NREP: variants seen among roughly 807,000 people sequenced by gnomAD.
NREP encodes neuronal regeneration related protein.
A neutral mutation model predicts 8.6 loss-of-function variants in NREP; 5 were observed. That is an observed-to-expected ratio of 0.58 (90% confidence interval 0.30 to 1.22). The LOEUF is 1.22. Ranked by LOEUF, NREP falls within the 50% of genes most tolerant of loss-of-function variation. NREP has a pLI of 0.07. For missense variants in NREP, 86 were observed against 82.5 expected (o/e 1.04, Z -0.17); for synonymous variants, 27 against 28.0 (o/e 0.96, Z 0.11).
At chr5:111,734,795 C>A in intron 3 of NREP, 1 of 687,178 alleles carries the variant, frequency 1.5e-6, no homozygotes, top group Admixed American at 2.0e-5. Flanking sequence ...CGCTTGAAGT[C>A]AAACAAGTAT....
At position 111,965,445 on chromosome 5, in the gene NREP, G is replaced by A. The variant is rs547402551; in HGVS notation, c.135+9829C>T. Among the ~76,000 whole-genome samples, 409 of 152,180 alleles carry A rather than the reference G, an allele frequency of 2.7e-3. 3 individuals carry two copies. The highest frequency in any genetic ancestry group is 0.015 in the South Asian group (74 of 4,812). ...TTGCTGTCATTAAATATGATGATGT[G>A]TATTTTTATTATGAAAAATGAAATA... On this transcript the variant is annotated intron_variant, in intron 2 of 3. Coordinates refer to the NREP transcript ENST00000395634.
chr5:111,878,194 T>TA (rs1753957469), intron 2 of NREP, among the ~76,000 whole-genome samples: 1 of 152,226 alleles, frequency 6.6e-6, no homozygotes, highest in South Asian at 2.1e-4. Flanking sequence ...TTATGTCTGC[T>TA]AAAATTAAAT....
intron 2 of NREP, among the ~76,000 whole-genome samples, chr5:111,776,993 G>GGAC (rs1478792429): frequency 8.1e-6 from 1 of 123,110 alleles, no homozygotes; most frequent in Non-Finnish European, 1.8e-5. Context: ...AAAAGGATGA[G>GGAC]GAGGAGGAGG....
At chr5:111,902,911 A>G (rs998616713) in intron 2 of NREP, among the ~76,000 whole-genome samples, 2 of 152,154 alleles carry the variant, frequency 1.3e-5, no homozygotes, top group African/African-American at 4.8e-5. Flanking sequence ...TTAATAATGT[A>G]AAAACGACTT....
chr5:111,885,867 C>T (rs1581191605), intron 2 of NREP, among the ~76,000 whole-genome samples: 4 of 152,230 alleles, frequency 2.6e-5, no homozygotes, highest in South Asian at 2.1e-4. Context: ...ACCATAAAAA[C>T]CCTAGAAGAA....
chr5:111,892,615 A>G (rs1428719053), intron 2 of NREP, among the ~76,000 whole-genome samples: 1 of 148,778 alleles, frequency 6.7e-6, no homozygotes, highest in Non-Finnish European at 1.5e-5. Context: ...ATTTTTGGAA[A>G]AAAAACCCAA....
At chr5:111,843,689 A>G (rs1418188500) in intron 2 of NREP, among the ~76,000 whole-genome samples, 2 of 152,130 alleles carry the variant, frequency 1.3e-5, no homozygotes, top group East Asian at 1.9e-4. Flanking sequence ...TCCAGTCTTT[A>G]CAGACTGGCT....
chr5:111,915,639 T>C (rs1490161635), intron 2 of NREP, among the ~76,000 whole-genome samples: 1 of 152,116 alleles, frequency 6.6e-6, no homozygotes, highest in Non-Finnish European at 1.5e-5. Context: ...TTCAAACATT[T>C]TTGGCCCGTA....
intron 2 of NREP, among the ~76,000 whole-genome samples, chr5:111,834,791 G>A (rs1008090059): frequency 6.6e-6 from 1 of 152,158 alleles, no homozygotes; most frequent in Non-Finnish European, 1.5e-5. Context: ...CATTTTGGTA[G>A]ATAATTTTTC....
chr5:111,763,724 G>A (rs2112865588), intron 2 of NREP, among the ~76,000 whole-genome samples: 1 of 152,170 alleles, frequency 6.6e-6, no homozygotes, highest in East Asian at 1.9e-4. Context: ...ACAAGAAAAA[G>A]AAATTATTTT....
rs148270253 is a variant in NREP at position 111,906,774 on chromosome 5, T to C, written c.135+68500A>G. On this transcript the variant is annotated intron_variant, in intron 2 of 3. Transcript: ENST00000395634. ...CATTTCTCTAAGGATATATGGTTTT[T>C]AGCATCTTTCATGTGCTTATTTGGC... 2.5e-3 allele frequency among the ~76,000 whole-genome samples: 388 copies of C among 152,244 alleles called. 3 individuals carry two copies. The highest frequency in any genetic ancestry group is 8.7e-3 in the African/African-American group (363 of 41,576).
At chr5:111,742,466 A>C (rs925503860) in intron 2 of NREP, among the ~76,000 whole-genome samples, 2 of 152,142 alleles carry the variant, frequency 1.3e-5, no homozygotes, top group Non-Finnish European at 2.9e-5. Flanking sequence ...AATCGTCAGC[A>C]CAAAGAGCTT....
intron 2 of NREP, among the ~76,000 whole-genome samples, chr5:111,745,615 T>C (rs180874490): frequency 4.3e-4 from 65 of 152,304 alleles, no homozygotes; most frequent in African/African-American, 1.5e-3. Context: ...TCAACTGCAT[T>C]TGAAATCCTG....
intron 2 of NREP, among the ~76,000 whole-genome samples, chr5:111,927,900 TCAATTGAGATC>T (rs1177480473): frequency 2.6e-5 from 4 of 152,144 alleles, no homozygotes; most frequent in African/African-American, 9.7e-5. Context: ...AACTTCTAAA[TCAATTGAGATC>T]CACCTCACTC....
intron 2 of NREP, among the ~76,000 whole-genome samples, chr5:111,765,275 G>T (rs967736423): frequency 6.6e-6 from 1 of 152,148 alleles, no homozygotes; most frequent in African/African-American, 2.4e-5. Flanking sequence ...CTGACAGGAG[G>T]CAGAGCTTAG....
chr5:111,835,219 G>T (rs151108287), intron 2 of NREP, among the ~76,000 whole-genome samples: 7 of 152,152 alleles, frequency 4.6e-5, no homozygotes, highest in African/African-American at 1.7e-4. Flanking sequence ...CCATTCACTT[G>T]GACTATCATA....
chr5:111,972,689 C>T (rs535227653), intron 2 of NREP, among the ~76,000 whole-genome samples: 16 of 152,232 alleles, frequency 1.1e-4, no homozygotes, highest in Non-Finnish European at 1.8e-4. Flanking sequence ...TTTTTCAGGG[C>T]CAGGGATACT....
At chr5:111,813,391 T>C (rs1752312568) in intron 2 of NREP, among the ~76,000 whole-genome samples, 2 of 152,190 alleles carry the variant, frequency 1.3e-5, no homozygotes, top group Admixed American at 1.3e-4. Context: ...TGAGGATAAA[T>C]CATTTACCAA....
At chr5:111,869,967 A>G (rs1373229245) in intron 2 of NREP, among the ~76,000 whole-genome samples, 1 of 152,192 alleles carries the variant, frequency 6.6e-6, no homozygotes, top group African/African-American at 2.4e-5. Flanking sequence ...GACTTACTTT[A>G]AAGAACTTCA....
Sources: allele counts gnomAD v4.1 joint callset (sites outside exome capture counted in the v4.1 genomes callset), GRCh38; gene constraint gnomAD v4.1.1; transcripts MANE v1.5; gene names NCBI Gene and HGNC (gene_info 2026-07-23, HGNC 2026-07-21).